SMG6: variants seen among roughly 807,000 people sequenced by gnomAD.
SMG6 encodes the protein telomerase-binding protein EST1A.
A neutral mutation model predicts 142.2 loss-of-function variants in SMG6; 66 were observed. The ratio of observed to expected loss-of-function variants is 0.46; its 90% CI spans 0.38 to 0.57. SMG6 has a LOEUF of 0.57. Ranked by LOEUF, SMG6 falls within the 20% of genes least tolerant of loss-of-function variation. The pLI is 0.00. For missense variants in SMG6, 1,793 were observed against 1,832.0 expected (o/e 0.98, Z 0.39); for synonymous variants, 779 against 702.4 (o/e 1.11, Z -1.72).
chr17:2,260,980 G>C (rs1286262014), intron 8 of SMG6, among the ~76,000 whole-genome samples: 2 of 143,536 alleles, frequency 1.4e-5, no homozygotes, highest in Admixed American at 7.2e-5. Context: ...TGGGCAACAG[G>C]GCAAGACTCT....
chr17:2,209,166 A>T (rs1465657533), intron 10 of SMG6, among the ~76,000 whole-genome samples: 1 of 152,218 alleles, frequency 6.6e-6, no homozygotes, highest in African/African-American at 2.4e-5. Context: ...CTTGTCTCAA[A>T]AAAACAAAAC....
At chr17:2,197,115 A>G (rs542678338) in intron 10 of SMG6, among the ~76,000 whole-genome samples, 1 of 152,318 alleles carries the variant, frequency 6.6e-6, no homozygotes, top group South Asian at 2.1e-4. Flanking sequence ...ACAATCCATA[A>G]AAGGAAAAAC....
chr17:2,154,334 C>T (rs769917749), intron 13 of SMG6, among the ~76,000 whole-genome samples: 6 of 139,670 alleles, frequency 4.3e-5, no homozygotes, highest in African/African-American at 1.1e-4. Flanking sequence ...TAGAGTGTGA[C>T]GGTGACGGGG....
intron 8 of SMG6, among the ~76,000 whole-genome samples, chr17:2,245,881 C>T (rs889595501): frequency 2.6e-5 from 4 of 152,230 alleles, no homozygotes; most frequent in East Asian, 1.9e-4. Flanking sequence ...GTTCTCAATA[C>T]GTTGCCCAGA....
At chr17:2,248,850 A>G (rs1332915989) in intron 8 of SMG6, among the ~76,000 whole-genome samples, 1 of 152,152 alleles carries the variant, frequency 6.6e-6, no homozygotes, top group Non-Finnish European at 1.5e-5. Flanking sequence ...TACAAGAGAC[A>G]ATATGAAGTC....
rs2075245562 is a variant in SMG6 at position 2,300,138 on chromosome 17, A to C, written c.615T>G (p.Gly205=). ...CTTTTGCAGCCCCTACTCTCCCACC[A>C]CCTGGGCTCTTTTCTATCTCAGCCC... ...PDRAEIEKSP[G]GGRVGAAKGE... is the part of the protein sequence containing the mutation. Residue 205 remains glycine, a synonymous_variant, in exon 2 of 19, where the codon GGT becomes GGG. Coordinates refer to ENST00000263073, the MANE Select transcript of SMG6 (RefSeq NM_017575.5). 6.2e-7 allele frequency: 1 copy of C among 1,613,306 alleles called. No homozygotes were observed. The highest frequency in any genetic ancestry group is 1.3e-5 in the African/African-American group (1 of 74,660).
At position 2,229,614 on chromosome 17, in the gene SMG6, A is replaced by G. The variant is rs187416220; in HGVS notation, c.2869+6878T>C. ...TGACAAGAGAATCAAAGGAAAACAC[A>G]TATGCAGTAACTATAAAGTGTCATC... On this transcript the variant is annotated intron_variant, in intron 10 of 18. Transcript: ENST00000263073. The G allele has an allele frequency of 2.6e-5, 4 of 152,328 alleles. No individual in the cohort carries two copies. The East Asian group carries it at 7.7e-4, about 29-fold the overall frequency. 9.4% of individuals were successfully genotyped at this position (152,328 alleles called of 1,614,324 possible).
intron 10 of SMG6, among the ~76,000 whole-genome samples, chr17:2,230,914 T>G (rs537118511): frequency 2.6e-5 from 4 of 152,172 alleles, no homozygotes; most frequent in Admixed American, 6.5e-5. Flanking sequence ...GAAAGTCAGG[T>G]GGCAATGATT....
chr17:2,258,429 A>T (rs1389269812), intron 8 of SMG6, among the ~76,000 whole-genome samples: 2 of 151,982 alleles, frequency 1.3e-5, no homozygotes, highest in African/African-American at 4.8e-5. Flanking sequence ...GTTATGGCAC[A>T]TGCCTGTAAT....
At chr17:2,275,157 G>A (rs1349178451) in intron 8 of SMG6, among the ~76,000 whole-genome samples, 1 of 152,098 alleles carries the variant, frequency 6.6e-6, no homozygotes, top group Non-Finnish European at 1.5e-5. Flanking sequence ...CATGGTGGCT[G>A]ACGCCTGTCA....
At chr17:2,232,914 C>T (rs960447552) in intron 10 of SMG6, 3 of 152,212 alleles carry the variant, frequency 2.0e-5, no homozygotes, top group African/African-American at 7.2e-5. Flanking sequence ...TCTCTCACCA[C>T]CATCTAAACT....
chr17:2,293,089 C>A, intron 4 of SMG6, 112 bp from the exon 5 acceptor site: 1 of 745,852 alleles, frequency 1.3e-6, no homozygotes, highest in South Asian at 1.5e-5. Flanking sequence ...CACTAGCGGT[C>A]CTCAACAAAG....
At chr17:2,261,175 G>A (rs2074303997) in intron 8 of SMG6, among the ~76,000 whole-genome samples, 1 of 151,566 alleles carries the variant, frequency 6.6e-6, no homozygotes. Context: ...TTAGCCAGGT[G>A]TGGTGGCGAG....
intron 15 of SMG6, among the ~76,000 whole-genome samples, chr17:2,080,867 C>G (rs1481930387): frequency 6.6e-6 from 1 of 152,178 alleles, no homozygotes; most frequent in Non-Finnish European, 1.5e-5. Flanking sequence ...AATCTCCTGA[C>G]CTCATGATCC....
intron 10 of SMG6, among the ~76,000 whole-genome samples, chr17:2,192,971 A>G (rs1302409590): frequency 6.6e-6 from 1 of 152,228 alleles, no homozygotes; most frequent in African/African-American, 2.4e-5. Flanking sequence ...ACACCCAAGC[A>G]AATTATTCAT....
At chr17:2,135,910 C>T (rs916675839) in intron 13 of SMG6, among the ~76,000 whole-genome samples, 32 of 139,426 alleles carry the variant, frequency 2.3e-4, no homozygotes, top group Admixed American at 2.2e-3. Flanking sequence ...TGGTCTTGAA[C>T]GCTTGGACTC....
At chr17:2,182,463 G>A (rs1048926346) in intron 12 of SMG6, among the ~76,000 whole-genome samples, 12 of 152,302 alleles carry the variant, frequency 7.9e-5, no homozygotes, top group Non-Finnish European at 1.6e-4. Context: ...GGTGGGGAGG[G>A]CATGGGGAGA....
intron 12 of SMG6, 54 bp from the exon 13 acceptor site, chr17:2,172,913 A>C: frequency 1.3e-6 from 2 of 1,530,952 alleles, no homozygotes; most frequent in Non-Finnish European, 1.8e-6. Flanking sequence ...CAGTAAAAAA[A>C]AGTATTCTCA....
intron 13 of SMG6, among the ~76,000 whole-genome samples, chr17:2,166,421 C>T (rs2071341110): frequency 6.6e-6 from 1 of 151,998 alleles, no homozygotes; most frequent in East Asian, 1.9e-4. Context: ...GGAAAAAATG[C>T]CAAATGAAAA....
Sources: gnomAD v4.1 joint callset for allele counts (sites outside exome capture counted in the v4.1 genomes callset) on GRCh38, gnomAD v4.1.1 for gene constraint, MANE v1.5 for transcripts, NCBI Gene and HGNC (gene_info 2026-07-23, HGNC 2026-07-21) for gene names.